FOXP1: variants seen among roughly 807,000 people sequenced by gnomAD.
FOXP1 encodes forkhead box P1.
FOXP1 carries 15 observed loss-of-function variants against 98.2 expected under a neutral mutation model. The ratio of observed to expected loss-of-function variants is 0.15; its 90% CI spans 0.10 to 0.24. The LOEUF (loss-of-function observed/expected upper bound fraction) is 0.24. FOXP1 is among the 10% of genes least tolerant of loss of function. The pLI is 1.00. For synonymous variants in FOXP1, 371 were observed against 314.5 expected (o/e 1.18, Z -1.90); for missense variants, 633 against 848.5 (o/e 0.75, Z 3.15).
intron 7 of FOXP1, among the ~76,000 whole-genome samples, chr3:71,069,384 C>T (rs1384180532): frequency 6.6e-6 from 1 of 152,146 alleles, no homozygotes; most frequent in Non-Finnish European, 1.5e-5. Context: ...TAAACAAAAT[C>T]ATGACAGAAA....
At chr3:71,441,411 G>A (rs1474490964) in intron 3 of FOXP1, among the ~76,000 whole-genome samples, 5 of 152,232 alleles carry the variant, frequency 3.3e-5, no homozygotes, top group Admixed American at 6.5e-5. Context: ...TGTCAACAGC[G>A]CTGAAGTTAG....
intron 2 of FOXP1, among the ~76,000 whole-genome samples, chr3:71,526,657 G>A (rs1380249214): frequency 6.6e-6 from 1 of 152,136 alleles, no homozygotes; most frequent in African/African-American, 2.4e-5. Flanking sequence ...TCCCACCCAT[G>A]CATTTGTGTG....
chr3:71,395,952 A>G (rs1363784713), intron 3 of FOXP1, among the ~76,000 whole-genome samples: 1 of 152,182 alleles, frequency 6.6e-6, no homozygotes, highest in Non-Finnish European at 1.5e-5. Flanking sequence ...TTCTTTAATG[A>G]TATATCGAAT....
intron 20 of FOXP1, among the ~76,000 whole-genome samples, chr3:70,964,556 G>A (rs1395610525): frequency 6.6e-6 from 1 of 152,118 alleles, no homozygotes; most frequent in Non-Finnish European, 1.5e-5. Context: ...TCTGAACTTC[G>A]TTAGTATCTA....
intron 9 of FOXP1, among the ~76,000 whole-genome samples, chr3:71,051,736 GCA>G (rs1437118740): frequency 6.6e-6 from 1 of 152,072 alleles, no homozygotes; most frequent in East Asian, 1.9e-4. Flanking sequence ...TCATAATAAC[GCA>G]CACATGCACA....
intron 3 of FOXP1, among the ~76,000 whole-genome samples, chr3:71,406,041 C>A (rs2082295840): frequency 6.6e-6 from 1 of 152,012 alleles, no homozygotes; most frequent in South Asian, 2.1e-4. Flanking sequence ...GGCAGCAGTA[C>A]TTTTTAAAGC....
intron 3 of FOXP1, among the ~76,000 whole-genome samples, chr3:71,392,783 C>G (rs1170507016): frequency 1.3e-5 from 2 of 152,056 alleles, no homozygotes; most frequent in African/African-American, 2.4e-5. Flanking sequence ...ATGTATTGTT[C>G]ACGCTAACCT....
intron 2 of FOXP1, among the ~76,000 whole-genome samples, chr3:71,495,640 A>G (rs141126368): frequency 6.6e-6 from 1 of 152,302 alleles, no homozygotes; most frequent in East Asian, 1.9e-4. Context: ...TTCTTAGCAG[A>G]TATTATTATT....
At chr3:71,075,753 C>T (rs964150632) in intron 7 of FOXP1, among the ~76,000 whole-genome samples, 22 of 151,596 alleles carry the variant, frequency 1.5e-4, no homozygotes, top group African/African-American at 5.3e-4. Context: ...CTAACTCTGT[C>T]ACCCAGACTG....
chr3:71,384,175 G>A (rs766755730), intron 3 of FOXP1, among the ~76,000 whole-genome samples: 7 of 152,090 alleles, frequency 4.6e-5, no homozygotes, highest in Non-Finnish European at 7.4e-5. Context: ...AGCTGAGATC[G>A]CCCGTTGCAA....
intron 4 of FOXP1, among the ~76,000 whole-genome samples, chr3:71,306,266 T>G (rs141623660): frequency 7.2e-4 from 110 of 152,148 alleles, no homozygotes; most frequent in African/African-American, 2.6e-3. Flanking sequence ...TAAAATGAAT[T>G]GTATTCATTA....
intron 11 of FOXP1, among the ~76,000 whole-genome samples, chr3:71,018,782 A>ACAG (rs2044926391): frequency 6.6e-6 from 1 of 152,216 alleles, no homozygotes; most frequent in Non-Finnish European, 1.5e-5. Context: ...AGTAGCAGGG[A>ACAG]AACTCAGTTT....
chr3:70,978,731 TATCA>T lies in FOXP1; in HGVS notation c.1147-706_1147-703del, dbSNP rs61280286. 8.5e-4 allele frequency among the ~76,000 whole-genome samples: 130 copies of T among 152,204 alleles called. 1 individual carries two copies. The highest frequency in any genetic ancestry group is 8.3e-3 in the South Asian group (40 of 4,826). ...GACCCCACCAGCTGTCATTTGTTTCTATCAATCAATCAATCAGTTGGCAGAAAAT... is the reference window on the plus strand; with the variant it reads ...GACCCCACCAGCTGTCATTTGTTTCTATCAATCAATCAGTTGGCAGAAAAT... On this transcript the variant is annotated intron_variant, in intron 14 of 20. Coordinates refer to ENST00000649528, the MANE Select transcript of FOXP1 (RefSeq NM_001349338.3).
intron 6 of FOXP1, among the ~76,000 whole-genome samples, chr3:71,177,840 CT>C (rs397704711): frequency 0.031 from 3,526 of 114,850 alleles, 81 homozygotes; most frequent in African/African-American, 0.11. Context: ...TTCTTTCTTT[CT>C]TTTTTTTTTT....
intron 11 of FOXP1, among the ~76,000 whole-genome samples, chr3:71,025,675 A>G (rs1262629652): frequency 6.6e-6 from 1 of 152,226 alleles, no homozygotes; most frequent in Non-Finnish European, 1.5e-5. Context: ...TAGCACAGGG[A>G]AAAGGTCACT....
chr3:71,058,658 TGTATA>T (rs2051026815), intron 7 of FOXP1, among the ~76,000 whole-genome samples: 1 of 150,804 alleles, frequency 6.6e-6, no homozygotes, highest in South Asian at 2.1e-4. Flanking sequence ...CAAGCTAGCC[TGTATA>T]GAAGAAAATT....
chr3:71,151,963 G>A (rs967897768), intron 6 of FOXP1, among the ~76,000 whole-genome samples: 2 of 152,162 alleles, frequency 1.3e-5, no homozygotes, highest in Admixed American at 6.5e-5. Flanking sequence ...CCATGAATGG[G>A]ATGGAATACA....
At chr3:71,309,309 T>C (rs2074525147) in intron 4 of FOXP1, among the ~76,000 whole-genome samples, 1 of 152,116 alleles carries the variant, frequency 6.6e-6, no homozygotes, top group Non-Finnish European at 1.5e-5. Context: ...GAAAAGCTGA[T>C]TCTCTCAACT....
intron 7 of FOXP1, among the ~76,000 whole-genome samples, chr3:71,088,363 G>A (rs955487548): frequency 1.1e-4 from 16 of 150,846 alleles, no homozygotes; most frequent in African/African-American, 2.2e-4. Context: ...AGATTTCATC[G>A]TCACACAACA....
Sources: allele counts gnomAD v4.1 joint callset (sites outside exome capture counted in the v4.1 genomes callset), GRCh38; gene constraint gnomAD v4.1.1; transcripts MANE v1.5; gene names NCBI Gene and HGNC (gene_info 2026-07-23, HGNC 2026-07-21).